Variants in ANKRD31 observed in about 807,000 individuals in gnomAD.
The protein encoded by ANKRD31 is ankyrin repeat domain 31.
Under a neutral mutation model 186.0 loss-of-function variants are expected in ANKRD31, and 147 were observed. That is an observed-to-expected ratio of 0.79 (90% CI 0.69 to 0.91). ANKRD31 has a LOEUF of 0.91. Among genes scored for constraint, ANKRD31 ranks in the 40% least tolerant of loss-of-function variants. The pLI is 0.00. For missense variants in ANKRD31, 1,986 were observed against 2,148.8 expected (o/e 0.92, Z 1.50); for synonymous variants, 673 against 736.4 (o/e 0.91, Z 1.39).
At chr5:75,190,627 A>AT (rs919970261) in intron 9 of ANKRD31, among the ~76,000 whole-genome samples, 1 of 141,038 alleles carries the variant, frequency 7.1e-6, no homozygotes, top group Non-Finnish European at 1.5e-5. Flanking sequence ...GTGTGTGTGT[A>AT]TTTTTTTTTC....
Position 75,199,621 on chromosome 5 carries a change from A to G in ANKRD31, c.447+10T>C, listed in dbSNP as rs1387557637. ...AGTCTACATAGTTAATTTCTGTTAT[A>G]CAGACCAACCTTTTCTATGTGTGGC... On this transcript the variant is annotated intron_variant, in intron 6 of 25. Transcript: ENST00000506364. 1 of 1,527,134 alleles carries G rather than the reference A, an allele frequency of 6.5e-7. No individual in the cohort carries two copies. Among genetic ancestry groups the G allele is most frequent in the Non-Finnish European group, 8.8e-7 (1 of 1,141,124 alleles). The allele number at this position is 1,527,134 out of a possible 1,614,324, so 94.6% of individuals were successfully genotyped here.
chr5:75,071,994 A>G (rs912160923), intron 25 of ANKRD31, among the ~76,000 whole-genome samples: 5 of 152,202 alleles, frequency 3.3e-5, no homozygotes, highest in African/African-American at 9.6e-5. Context: ...CATAGCCAGC[A>G]TGACTCCAAC....
At chr5:75,078,676 G>A (rs893640447) in intron 25 of ANKRD31, among the ~76,000 whole-genome samples, 4 of 152,060 alleles carry the variant, frequency 2.6e-5, no homozygotes, top group African/African-American at 9.7e-5. Flanking sequence ...ATAATGAAAC[G>A]TGATCTATCT....
At chr5:75,068,793 C>G in intron 25 of ANKRD31, 129 bp from the exon 26 acceptor site, 1 of 920,492 alleles carries the variant, frequency 1.1e-6, no homozygotes, top group Non-Finnish European at 1.5e-6. Flanking sequence ...CTGATCAGGA[C>G]CTTTTCCCTC....
chr5:75,228,892 G>A (rs1757788761), intron 2 of ANKRD31, among the ~76,000 whole-genome samples: 1 of 152,130 alleles, frequency 6.6e-6, no homozygotes, highest in South Asian at 2.1e-4. Context: ...AATTACATGT[G>A]AGAAAATGCA....
chr5:75,118,127 A>G lies in ANKRD31; in HGVS notation c.4039+8T>C. The G allele has an allele frequency of 7.0e-7, 1 of 1,425,014 alleles. No individual in the cohort carries two copies. The highest frequency in any genetic ancestry group is 9.1e-7 in the Non-Finnish European group (1 of 1,097,684). 88.3% of individuals were successfully genotyped at this position (1,425,014 alleles called of 1,614,324 possible). ...TATATAAAATAGCAGCAATATTGATATACATACCATTGACTATAGCATCAC... is the reference window on the plus strand; with the variant it reads ...TATATAAAATAGCAGCAATATTGATGTACATACCATTGACTATAGCATCAC... On this transcript the variant is annotated splice_region_variant and intron_variant, in intron 18 of 25. Coordinates refer to ENST00000506364, the MANE Select transcript of ANKRD31 (RefSeq NM_001372053.1).
chr5:75,147,315 G>C lies in ANKRD31; in HGVS notation c.2096C>G (p.Ser699Ter). The C allele has an allele frequency of 6.5e-7, 1 of 1,534,062 alleles. No homozygotes were observed. Among genetic ancestry groups the C allele is most frequent in the Non-Finnish European group, 8.7e-7 (1 of 1,145,608 alleles). ...TKFGKSKHKQ[S>*]TLDQIYSTGL... ...TGTAGAGTATATCTGGTCAAGAGTTGATTGTTTATGCTTGGATTTACCAAA... is the reference window on the plus strand; with the variant it reads ...TGTAGAGTATATCTGGTCAAGAGTTCATTGTTTATGCTTGGATTTACCAAA... The change falls in exon 14 of 26, where the codon TCA becomes TGA. Residue 699 changes from serine (S) to a stop codon, truncating the protein, a stop_gained. Transcript: ENST00000506364. LOFTEE classifies it high-confidence loss of function.
At chr5:75,077,087 T>A (rs1356065914) in intron 25 of ANKRD31, among the ~76,000 whole-genome samples, 2 of 152,132 alleles carry the variant, frequency 1.3e-5, no homozygotes, top group African/African-American at 4.8e-5. Flanking sequence ...AAAACCAAAT[T>A]AATAATTTTT....
At chr5:75,162,626 C>T (rs1752646909) in intron 11 of ANKRD31, among the ~76,000 whole-genome samples, 1 of 152,108 alleles carries the variant, frequency 6.6e-6, no homozygotes, top group Non-Finnish European at 1.5e-5. Context: ...GGTGGAATTA[C>T]ATGGTTTGGC....
At chr5:75,209,769 C>T (rs1756490675) in intron 4 of ANKRD31, among the ~76,000 whole-genome samples, 1 of 152,148 alleles carries the variant, frequency 6.6e-6, no homozygotes, top group South Asian at 2.1e-4. Context: ...AATATATATA[C>T]TCAAAGGTGG....
intron 12 of ANKRD31, among the ~76,000 whole-genome samples, chr5:75,150,782 C>A (rs1252813752): frequency 6.6e-6 from 1 of 151,970 alleles, no homozygotes; most frequent in Non-Finnish European, 1.5e-5. Flanking sequence ...AGAAGTCAAG[C>A]AGTTAAGCAG....
At chr5:75,079,218 T>G (rs1744895569) in intron 25 of ANKRD31, among the ~76,000 whole-genome samples, 1 of 152,182 alleles carries the variant, frequency 6.6e-6, no homozygotes, top group Non-Finnish European at 1.5e-5. Flanking sequence ...GATTAAAAAT[T>G]TTTATCATTT....
chr5:75,231,223 C>A (rs752075334), intron 1 of ANKRD31, among the ~76,000 whole-genome samples: 1 of 151,758 alleles, frequency 6.6e-6, no homozygotes, highest in Non-Finnish European at 1.5e-5. Context: ...GTGTGCACCA[C>A]CATGCCTGGC....
intron 23 of ANKRD31, among the ~76,000 whole-genome samples, chr5:75,085,881 T>C (rs1745447636): frequency 6.6e-6 from 1 of 152,030 alleles, no homozygotes; most frequent in South Asian, 2.1e-4. Context: ...TTGAACAGAG[T>C]GAGAAAGGTC....
chr5:75,101,036 T>G (rs1171835742), intron 22 of ANKRD31, among the ~76,000 whole-genome samples: 1 of 152,248 alleles, frequency 6.6e-6, no homozygotes, highest in African/African-American at 2.4e-5. Context: ...CTTTACAGTT[T>G]GGCATGTTTT....
intron 21 of ANKRD31, among the ~76,000 whole-genome samples, chr5:75,105,540 A>T (rs1161634132): frequency 6.6e-6 from 1 of 152,128 alleles, no homozygotes; most frequent in Non-Finnish European, 1.5e-5. Context: ...AGACAAACAA[A>T]ACTTGGATCA....
In ANKRD31 at chr5:75,220,116, C is replaced by A. The variant is rs554231568; in HGVS notation, c.288+2133G>T. 1.9e-4 allele frequency among the ~76,000 whole-genome samples: 29 copies of A among 152,186 alleles called. No homozygotes were observed. The East Asian group carries it at 5.4e-3, about 28-fold the overall frequency. On this transcript the variant is annotated intron_variant, in intron 3 of 25. Transcript: ENST00000506364. ...ATGAGGAAAATTCCAAAAGCAATCA[C>A]AAGAAAAACAAAAACTGACAAATGG...
At chr5:75,083,423 A>G (rs1745230519) in intron 24 of ANKRD31, among the ~76,000 whole-genome samples, 1 of 152,156 alleles carries the variant, frequency 6.6e-6, no homozygotes, top group Non-Finnish European at 1.5e-5. Flanking sequence ...TATCTCTAAT[A>G]GCTAAAAAGG....
intron 22 of ANKRD31, 112 bp from the exon 23 acceptor site, chr5:75,091,513 T>C: frequency 1.1e-6 from 1 of 928,854 alleles, no homozygotes; most frequent in South Asian, 2.0e-5. Flanking sequence ...ACACCTGATG[T>C]ATTTTTGTAT....
Sources: gnomAD v4.1 joint callset for allele counts (sites outside exome capture counted in the v4.1 genomes callset) on GRCh38, gnomAD v4.1.1 for gene constraint, MANE v1.5 for transcripts, NCBI Gene and HGNC (gene_info 2026-07-23, HGNC 2026-07-21) for gene names.